Variants in KCNN2 observed in about 807,000 individuals in gnomAD.
KCNN2 encodes small conductance calcium-activated potassium channel protein 2.
A neutral mutation model predicts 55.5 loss-of-function variants in KCNN2; 24 were observed. That is an observed-to-expected ratio of 0.43 (90% CI 0.31 to 0.61). KCNN2 has a LOEUF of 0.61. Ranked by LOEUF, KCNN2 falls within the 20% of genes least tolerant of loss-of-function variation. The pLI is 0.08. For missense variants in KCNN2, 754 were observed against 853.6 expected, an observed-to-expected ratio of 0.88 and a Z score of 1.45; for synonymous variants, 431 against 336.1, an observed-to-expected ratio of 1.28 and a Z score of -3.09.
At chr5:114,459,235 A>C (rs1761080147) in intron 3 of KCNN2, among the ~76,000 whole-genome samples, 1 of 152,218 alleles carries the variant, frequency 6.6e-6, no homozygotes, top group Non-Finnish European at 1.5e-5. Flanking sequence ...TCCTCATTTT[A>C]AAAGCTTGAG....
At chr5:114,199,540 T>C (rs1651257980) in intron 1 of KCNN2, among the ~76,000 whole-genome samples, 1 of 152,148 alleles carries the variant, frequency 6.6e-6, no homozygotes, top group African/African-American at 2.4e-5. Context: ...TGATGAAAAT[T>C]CTGTCATGTC....
intron 1 of KCNN2, among the ~76,000 whole-genome samples, chr5:114,072,121 C>T (rs891737327): frequency 3.3e-5 from 5 of 152,078 alleles, no homozygotes; most frequent in African/African-American, 7.2e-5. Context: ...GGAGAAACCA[C>T]GTCTATACTA....
chr5:114,338,797 GCCTGGGACAGCA>G (rs948014662), intron 2 of KCNN2, among the ~76,000 whole-genome samples: 1 of 152,212 alleles, frequency 6.6e-6, no homozygotes, highest in South Asian at 2.1e-4. Flanking sequence ...GAACTCAGCA[GCCTGGGACAGCA>G]CCTATACTAA....
intron 3 of KCNN2, among the ~76,000 whole-genome samples, chr5:114,441,228 TTTACTA>T (rs1298660538): frequency 6.6e-6 from 1 of 152,200 alleles, no homozygotes; most frequent in Non-Finnish European, 1.5e-5. Context: ...AATTAATACA[TTTACTA>T]TTATAGTGCA....
chr5:114,208,910 A>T (rs1394554107), intron 1 of KCNN2, among the ~76,000 whole-genome samples: 2 of 152,074 alleles, frequency 1.3e-5, no homozygotes, highest in Non-Finnish European at 2.9e-5. Context: ...TTTCCTTCAC[A>T]GTCTCTCCCA....
intron 2 of KCNN2, among the ~76,000 whole-genome samples, chr5:114,372,730 T>G (rs1757799963): frequency 6.6e-6 from 1 of 152,102 alleles, no homozygotes. Context: ...TTATATAAAG[T>G]ATATGGACAT....
intron 2 of KCNN2, among the ~76,000 whole-genome samples, chr5:114,330,240 A>C (rs915700192): frequency 1.3e-5 from 2 of 152,170 alleles, no homozygotes; most frequent in African/African-American, 4.8e-5. Flanking sequence ...TGTCAAGCTT[A>C]CTGAGCTTAG....
At chr5:114,128,076 T>C (rs2112607314) in intron 1 of KCNN2, among the ~76,000 whole-genome samples, 1 of 152,316 alleles carries the variant, frequency 6.6e-6, no homozygotes, top group Non-Finnish European at 1.5e-5. Flanking sequence ...CCCTCCAAAC[T>C]GTTCCAGCCT....
intron 2 of KCNN2, among the ~76,000 whole-genome samples, chr5:114,284,285 C>G (rs942025534): frequency 6.6e-6 from 1 of 152,094 alleles, no homozygotes; most frequent in African/African-American, 2.4e-5. Flanking sequence ...TGCAAATCAC[C>G]TAGTATGCCA....
chr5:114,325,244 G>T (rs571116315), intron 2 of KCNN2, among the ~76,000 whole-genome samples: 90 of 152,302 alleles, frequency 5.9e-4, no homozygotes, highest in South Asian at 1.2e-3. Context: ...GGGAAATTCT[G>T]TGTTGAATAT....
chr5:114,233,189 G>T (rs1754399272), intron 2 of KCNN2, among the ~76,000 whole-genome samples: 2 of 151,466 alleles, frequency 1.3e-5, no homozygotes, highest in South Asian at 4.2e-4. Flanking sequence ...CAAAGTGCTG[G>T]GATTACAGGC....
intron 1 of KCNN2, among the ~76,000 whole-genome samples, chr5:114,173,487 C>T (rs1374758519): frequency 1.4e-5 from 2 of 138,506 alleles, no homozygotes; most frequent in African/African-American, 5.2e-5. Flanking sequence ...TGTGTGATTC[C>T]CCATACAAAT....
intron 3 of KCNN2, among the ~76,000 whole-genome samples, chr5:114,452,288 G>T (rs928951836): frequency 1.9e-4 from 29 of 152,096 alleles, no homozygotes; most frequent in African/African-American, 6.8e-4. Flanking sequence ...TTTGAATTTA[G>T]AACTGTAATT....
intron 1 of KCNN2, among the ~76,000 whole-genome samples, chr5:114,171,094 T>G (rs747561064): frequency 6.6e-6 from 1 of 152,004 alleles, no homozygotes; most frequent in African/African-American, 2.4e-5. Context: ...TCCATTCTGA[T>G]GTTCCACTGT....
At chr5:114,335,166 G>A (rs764369641) in intron 2 of KCNN2, among the ~76,000 whole-genome samples, 10 of 152,010 alleles carry the variant, frequency 6.6e-5, no homozygotes, top group South Asian at 2.1e-4. Flanking sequence ...CTCGTGATCC[G>A]CCAGTCTCAG....
At chr5:114,131,449 G>C (rs577196563) in intron 1 of KCNN2, among the ~76,000 whole-genome samples, 1 of 152,272 alleles carries the variant, frequency 6.6e-6, no homozygotes, top group Admixed American at 6.5e-5. Flanking sequence ...TCTCTGCAAA[G>C]TACATAATCT....
chr5:114,486,438 C>A (rs1210312157), intron 5 of KCNN2, among the ~76,000 whole-genome samples: 1 of 152,172 alleles, frequency 6.6e-6, no homozygotes, highest in Admixed American at 6.6e-5. Context: ...GTGCTTTCAC[C>A]CTTCTCATTT....
intron 2 of KCNN2, among the ~76,000 whole-genome samples, chr5:114,311,455 C>G (rs1410710885): frequency 1.3e-5 from 2 of 152,154 alleles, no homozygotes; most frequent in African/African-American, 4.8e-5. Context: ...TTCCCCTTGG[C>G]AGAGTCTTTT....
intron 1 of KCNN2, among the ~76,000 whole-genome samples, chr5:114,110,997 C>T (rs2112582732): frequency 6.6e-6 from 1 of 152,092 alleles, no homozygotes; most frequent in Admixed American, 6.6e-5. Flanking sequence ...TCATATGGAA[C>T]CAAAAAAGAG....
Sources: allele counts gnomAD v4.1 joint callset (sites outside exome capture counted in the v4.1 genomes callset), GRCh38; gene constraint gnomAD v4.1.1; transcripts MANE v1.5; gene names NCBI Gene and HGNC (gene_info 2026-07-23, HGNC 2026-07-21).